MATCAP2: variants seen among roughly 807,000 people sequenced by gnomAD.
MATCAP2 encodes the protein microtubule associated tyrosine carboxypeptidase 2.
chr7:36,333,271 T>C, the MATCAP2 span, among the ~76,000 whole-genome samples: 1 of 152,198 alleles, frequency 6.6e-6, no homozygotes, highest in African/African-American at 2.4e-5. Flanking sequence ...AAAAATCACA[T>C]ATTAGATAAT....
the MATCAP2 span, among the ~76,000 whole-genome samples, chr7:36,382,220 T>TCACTC: frequency 0.029 from 3,912 of 137,126 alleles, 251 homozygotes; most frequent in East Asian, 0.24. Flanking sequence ...GGCAGGAGAA[T>TCACTC]CACTTGAACC....
chr7:36,358,257 T>C, the MATCAP2 span, among the ~76,000 whole-genome samples: 2 of 152,066 alleles, frequency 1.3e-5, no homozygotes, highest in East Asian at 1.9e-4. Context: ...GTATTTTCTA[T>C]AATAAAGTAA....
chr7:36,381,716 C>A, the MATCAP2 span, among the ~76,000 whole-genome samples: 1 of 150,298 alleles, frequency 6.7e-6, no homozygotes, highest in Non-Finnish European at 1.5e-5. Flanking sequence ...CCGGAGAATA[C>A]ACCAGCAAAC....
the MATCAP2 span, among the ~76,000 whole-genome samples, chr7:36,335,701 T>G: frequency 6.6e-6 from 1 of 152,172 alleles, no homozygotes; most frequent in African/African-American, 2.4e-5. Flanking sequence ...CAACAGGAAC[T>G]TAACAGTATT....
At chr7:36,362,227 T>C in the MATCAP2 span, among the ~76,000 whole-genome samples, 1 of 152,236 alleles carries the variant, frequency 6.6e-6, no homozygotes. Flanking sequence ...ATCTATTAAC[T>C]ATAGTATCTC....
chr7:36,343,699 GAAGA>G, the MATCAP2 span, among the ~76,000 whole-genome samples: 3 of 149,604 alleles, frequency 2.0e-5, no homozygotes, highest in Admixed American at 6.7e-5. Context: ...AGGAAGGAAG[GAAGA>G]AAGAAAAGGA....
chr7:36,328,217 G>A, the MATCAP2 span, among the ~76,000 whole-genome samples: 9 of 108,728 alleles, frequency 8.3e-5, no homozygotes, highest in African/African-American at 2.4e-4. Context: ...CACCATGCCC[G>A]GCTAATTTGT....
the MATCAP2 span, among the ~76,000 whole-genome samples, chr7:36,338,535 C>G: frequency 6.6e-6 from 1 of 152,012 alleles, no homozygotes; most frequent in South Asian, 2.1e-4. Context: ...TCAAATGATC[C>G]TCCCACCTCC....
chr7:36,344,902 G>A, the MATCAP2 span, among the ~76,000 whole-genome samples: 6 of 152,114 alleles, frequency 3.9e-5, no homozygotes, highest in African/African-American at 1.4e-4. Context: ...AGCGACATAA[G>A]TAGAAAGCAA....
the MATCAP2 span, among the ~76,000 whole-genome samples, chr7:36,363,474 TA>T: frequency 6.6e-6 from 1 of 152,206 alleles, no homozygotes; most frequent in African/African-American, 2.4e-5. Flanking sequence ...TTTTCCCAGG[TA>T]AAAATTATTA....
the MATCAP2 span, among the ~76,000 whole-genome samples, chr7:36,333,452 C>T: frequency 6.6e-6 from 1 of 151,932 alleles, no homozygotes; most frequent in Non-Finnish European, 1.5e-5. Flanking sequence ...GATGGTTGTA[C>T]AACTCTGAAT....
the MATCAP2 span, chr7:36,325,702 G>A: frequency 1.3e-5 from 2 of 152,130 alleles, no homozygotes; most frequent in African/African-American, 2.4e-5. Context: ...ACAAAGCTAG[G>A]CTAGCAGGAG....
At chr7:36,331,280 A>G in the MATCAP2 span, among the ~76,000 whole-genome samples, 1 of 152,168 alleles carries the variant, frequency 6.6e-6, no homozygotes, top group African/African-American at 2.4e-5. Context: ...TGCAGACTAG[A>G]CCCTTAAGAA....
At chr7:36,367,103 A>C in the MATCAP2 span, 22 of 1,243,630 alleles carry the variant, frequency 1.8e-5, no homozygotes, top group Non-Finnish European at 2.2e-5. Context: ...GGGCGGACGA[A>C]GACGTACCGA....
the MATCAP2 span, among the ~76,000 whole-genome samples, chr7:36,363,209 T>C: frequency 6.6e-6 from 1 of 152,228 alleles, no homozygotes; most frequent in Non-Finnish European, 1.5e-5. Context: ...TGTGCCTAGG[T>C]ATATTCAACC....
the MATCAP2 span, among the ~76,000 whole-genome samples, chr7:36,379,837 CACACACACACAG>C: frequency 7.6e-6 from 1 of 131,306 alleles, no homozygotes; most frequent in African/African-American, 2.6e-5. Context: ...CACACACACA[CACACACACACAG>C]AGAGAGAGAG....
chr7:36,357,397 T>C, the MATCAP2 span: 1 of 1,614,182 alleles, frequency 6.2e-7, no homozygotes, highest in Non-Finnish European at 8.5e-7. Context: ...AGGAAGACTG[T>C]TTTTGTGAAT....
chr7:36,369,899 C>G, the MATCAP2 span, among the ~76,000 whole-genome samples: 1 of 152,086 alleles, frequency 6.6e-6, no homozygotes, highest in Admixed American at 6.5e-5. Context: ...GTTAGCCTAC[C>G]TGGAATATTA....
the MATCAP2 span, among the ~76,000 whole-genome samples, chr7:36,380,839 C>T: frequency 6.6e-6 from 1 of 152,234 alleles, no homozygotes; most frequent in African/African-American, 2.4e-5. Context: ...AAGCGAGTCT[C>T]CTGCCTTAGC....
Sources: gnomAD v4.1 joint callset for allele counts (sites outside exome capture counted in the v4.1 genomes callset) on GRCh38, gnomAD v4.1.1 for gene constraint, MANE v1.5 for transcripts, NCBI Gene and HGNC (gene_info 2026-07-23, HGNC 2026-07-21) for gene names.